Variants in SRCIN1 observed in about 807,000 individuals in gnomAD.
SRCIN1 encodes the protein P130Cas-associated protein.
A neutral mutation model predicts 116.2 loss-of-function variants in SRCIN1; 50 were observed. The observed-to-expected ratio is 0.43, with a 90% confidence interval of 0.34 to 0.54. The LOEUF is 0.54. Ranked by LOEUF, SRCIN1 falls within the 20% of genes least tolerant of loss-of-function variation. The pLI is 0.02. For synonymous variants in SRCIN1, 736 were observed against 750.0 expected, an observed-to-expected ratio of 0.98 and a Z score of 0.30; for missense variants, 1,446 against 1,672.0, an observed-to-expected ratio of 0.86 and a Z score of 2.36.
rs557481349 is a variant in SRCIN1 at position 38,550,290 on chromosome 17, C to A, written c.2962+865G>T. Reference sequence around the variant, plus strand: ...TGGGCGGATCACGAGGTCAGGAGATCGAGACCATCCTGGCTAACACGGTGA... The same window carrying A: ...TGGGCGGATCACGAGGTCAGGAGATAGAGACCATCCTGGCTAACACGGTGA... On this transcript the variant is annotated intron_variant, in intron 15 of 18. Coordinates refer to ENST00000617146, the MANE Select transcript of SRCIN1 (RefSeq NM_025248.3). Among the ~76,000 whole-genome samples, 13 of 152,122 alleles carry A rather than the reference C, an allele frequency of 8.5e-5. No individual in the cohort carries two copies. The South Asian group carries it at 2.3e-3, about 27-fold the overall frequency.
intron 15 of SRCIN1, among the ~76,000 whole-genome samples, chr17:38,550,848 GC>G (rs1336138098): frequency 6.6e-6 from 1 of 152,238 alleles, no homozygotes; most frequent in African/African-American, 2.4e-5. Flanking sequence ...CCTCAACACA[GC>G]CTGGTTTGGG....
At chr17:38,596,322 C>T (rs1157508642) in intron 1 of SRCIN1, among the ~76,000 whole-genome samples, 1 of 152,058 alleles carries the variant, frequency 6.6e-6, no homozygotes, top group Non-Finnish European at 1.5e-5. Flanking sequence ...GGAGCTCTCC[C>T]TTTGGGGCCC....
In SRCIN1 at chr17:38,572,193, T is replaced by G. The variant is rs1597915087; in HGVS notation, c.325-3962A>C. Reference sequence around the variant, plus strand: ...CTGCACCGGTGCACACACCCACCTCTCAACTCCCATGAACACGAGTCAGCG... The same window carrying G: ...CTGCACCGGTGCACACACCCACCTCGCAACTCCCATGAACACGAGTCAGCG... On this transcript the variant is annotated intron_variant, in intron 2 of 18. Transcript: ENST00000617146. The surrounding 1 kb of genome is among the most constrained non-coding windows in gnomAD (Gnocchi z 4.3). Among the ~76,000 whole-genome samples the G allele has an allele frequency of 1.3e-5, 2 of 152,196 alleles. No homozygotes were observed. Among genetic ancestry groups the G allele is most frequent in the Middle Eastern group, 3.4e-3 (1 of 294 alleles).
chr17:38,564,038 G>A, intron 4 of SRCIN1, 80 bp downstream of exon 4: 1 of 1,475,726 alleles, frequency 6.8e-7, no homozygotes, highest in South Asian at 1.2e-5. Context: ...GCGTGCTGTA[G>A]GGGAGGAGGG....
At chr17:38,540,321 C>A (rs1482436016) in intron 18 of SRCIN1, among the ~76,000 whole-genome samples, 4 of 152,206 alleles carry the variant, frequency 2.6e-5, no homozygotes, top group Non-Finnish European at 5.9e-5. Context: ...CTGATCCCAG[C>A]ACTTCTAGTC....
At position 38,541,515 on chromosome 17, in the gene SRCIN1, C is replaced by T. The variant is rs150980365; in HGVS notation, c.3417+2308G>A. On this transcript the variant is annotated intron_variant, in intron 18 of 18. Coordinates refer to ENST00000617146, the MANE Select transcript of SRCIN1 (RefSeq NM_025248.3). ...AGGAGCCTGGGGATGCCCGGGGAAG[C>T]GTGTGTGGGTGACTGGAGCTCAGAA... 491 of 152,272 alleles carry T rather than the reference C, an allele frequency of 3.2e-3. 4 individuals carry two copies. The highest frequency in any genetic ancestry group is 0.011 in the African/African-American group (470 of 41,436). 9.4% of individuals were successfully genotyped at this position (152,272 alleles called of 1,614,324 possible).
intron 1 of SRCIN1, among the ~76,000 whole-genome samples, chr17:38,582,766 G>A (rs1267909533): frequency 6.6e-6 from 1 of 152,180 alleles, no homozygotes; most frequent in African/African-American, 2.4e-5. Flanking sequence ...CTGAGGCTCG[G>A]GGAGAAGGGA....
chr17:38,604,088 G>A lies in SRCIN1; in HGVS notation c.22+1596C>T, dbSNP rs1399845916. ...TTTAAAGATCAACAAGAGGGAAAGGGATGGGAATAAGAGAAACTGAGGCAA... is the reference window on the plus strand; with the variant it reads ...TTTAAAGATCAACAAGAGGGAAAGGAATGGGAATAAGAGAAACTGAGGCAA... On this transcript the variant is annotated intron_variant, in intron 1 of 18. Transcript: ENST00000617146. This position sits in a 1 kb window ranked among gnomAD's most constrained non-coding sequence, Gnocchi z 4.3. Among the ~76,000 whole-genome samples, 1 of 152,160 alleles carries A rather than the reference G, an allele frequency of 6.6e-6. No individual in the cohort carries two copies. Among genetic ancestry groups the A allele is most frequent in the Non-Finnish European group, 1.5e-5 (1 of 68,038 alleles).
At chr17:38,600,294 G>C (rs943339466) in intron 1 of SRCIN1, among the ~76,000 whole-genome samples, 6 of 152,340 alleles carry the variant, frequency 3.9e-5, no homozygotes, top group African/African-American at 1.4e-4. Flanking sequence ...GTAGGTAAAA[G>C]CGACCAAGGC....
At chr17:38,590,710 G>A (rs1032588790) in intron 1 of SRCIN1, among the ~76,000 whole-genome samples, 2 of 151,612 alleles carry the variant, frequency 1.3e-5, no homozygotes, top group Admixed American at 1.3e-4. Flanking sequence ...GTTGATAAGT[G>A]GAAGAGGCTG....
intron 3 of SRCIN1, 42 bp from the exon 4 acceptor site, chr17:38,564,355 C>G: frequency 2.9e-6 from 4 of 1,401,004 alleles, no homozygotes; most frequent in Non-Finnish European, 3.7e-6. Flanking sequence ...AGGATGAGCA[C>G]CCCCCCTCCC....
chr17:38,537,282 C>T (rs1405597516), intron 18 of SRCIN1, among the ~76,000 whole-genome samples: 2 of 150,136 alleles, frequency 1.3e-5, no homozygotes, highest in African/African-American at 2.5e-5. Context: ...GGGTGGATCA[C>T]CTGAGGTCAG....
chr17:38,583,548 G>GTTTTTTTTTTTTTTTTTTTTTTTTT (rs10691272), intron 1 of SRCIN1, among the ~76,000 whole-genome samples: 8 of 104,292 alleles, frequency 7.7e-5, no homozygotes, highest in Non-Finnish European at 1.2e-4. Flanking sequence ...TTCATTTTCT[G>GTTTTTTTTTTTTTTTTTTTTTTTTT]TTTTTTTTTT....
intron 3 of SRCIN1, among the ~76,000 whole-genome samples, chr17:38,565,678 C>T (rs1486002544): frequency 6.6e-6 from 1 of 152,228 alleles, no homozygotes; most frequent in Non-Finnish European, 1.5e-5. Context: ...ATTTAATGTT[C>T]CAATTGGATT....
intron 2 of SRCIN1, 100 bp downstream of exon 2, chr17:38,578,390 G>C: frequency 7.3e-7 from 1 of 1,375,146 alleles, no homozygotes; most frequent in Non-Finnish European, 9.6e-7. Flanking sequence ...ATGCCTCCCA[G>C]AGTTGGAATG....
intron 1 of SRCIN1, among the ~76,000 whole-genome samples, chr17:38,579,716 G>A (rs1467634344): frequency 6.6e-6 from 1 of 152,220 alleles, no homozygotes; most frequent in Admixed American, 6.5e-5. Flanking sequence ...GGTCCCACGC[G>A]GAACTCTGAA....
chr17:38,561,684 G>A lies in SRCIN1; in HGVS notation c.1479C>T (p.Ser493=). 6.4e-7 allele frequency: 1 copy of A among 1,557,992 alleles called. No homozygotes were observed. The highest frequency in any genetic ancestry group is 2.4e-5 in the East Asian group (1 of 42,064). ...CGCGGCTGGGCGGCCCCGAGTAGGG[G>A]CTGTGCGGTGGCGGGGGACCTCCGG... ...APPGGPPPPH[S]PYSGPPSRGS... is the part of the protein sequence containing the mutation. Residue 493 remains serine, a synonymous_variant, in exon 7 of 19, where the codon AGC becomes AGT. Transcript: ENST00000617146.
rs1909073955 is a variant in SRCIN1, at chr17:38,602,057, C to T, written c.22+3627G>A. ...GACTGAGGGCATCCAGGGGAGTGCT[C>T]TGGAGCCCAGGTATCGGGTAGAGGA... On this transcript the variant is annotated intron_variant, in intron 1 of 18. Transcript: ENST00000617146. The surrounding 1 kb of genome is among the most constrained non-coding windows in gnomAD (Gnocchi z 4.2). 1.3e-5 allele frequency among the ~76,000 whole-genome samples: 2 copies of T among 152,178 alleles called. No individual in the cohort carries two copies. The highest frequency in any genetic ancestry group is 3.4e-3 in the Middle Eastern group (1 of 292).
rs1164072451 is a variant in SRCIN1, at chr17:38,532,612, C to A, written c.*685G>T. 6.6e-6 allele frequency: 1 copy of A among 152,352 alleles called. No individual in the cohort carries two copies. Among genetic ancestry groups the A allele is most frequent in the Non-Finnish European group, 1.5e-5 (1 of 68,138 alleles). The allele number at this position is 152,352 out of a possible 1,614,324, so 9.4% of individuals were successfully genotyped here. A position where few individuals can be genotyped will look rare whatever the true frequency, so the allele number is the denominator to read the frequency against. Reference sequence around the variant, plus strand: ...GGGATACAGACTCCATGGCCTCACACCCACCCTGAGGCCTCTCAAACTCCG... The same window carrying A: ...GGGATACAGACTCCATGGCCTCACAACCACCCTGAGGCCTCTCAAACTCCG... On this transcript the variant is annotated 3_prime_UTR_variant, in exon 19 of 19. Transcript: ENST00000617146. This position sits in a 1 kb window ranked among gnomAD's most constrained non-coding sequence, Gnocchi z 4.3.
Sources: gnomAD v4.1 joint callset for allele counts (sites outside exome capture counted in the v4.1 genomes callset) on GRCh38, gnomAD v4.1.1 for gene constraint, Gnocchi (gnomAD v3.1) non-coding constraint, MANE v1.5 for transcripts, NCBI Gene and HGNC (gene_info 2026-07-23, HGNC 2026-07-21) for gene names.